The following FIGN variants were observed in gnomAD, a reference collection of about 807,000 sequenced individuals.
FIGN encodes fidgetin, microtubule severing factor, also known as fidgetin.
In FIGN, 11 loss-of-function variants were observed where a neutral mutation model predicts 51.3. The observed-to-expected ratio is 0.21, with a 90% confidence interval of 0.13 to 0.35. FIGN has a LOEUF of 0.35. Ranked by LOEUF, FIGN falls within the 10% of genes least tolerant of loss-of-function variation. The probability of loss-of-function intolerance (pLI) is 1.00; values close to 1 mark genes in which losing one functional copy is unlikely to be tolerated. For missense variants in FIGN, 857 were observed against 943.6 expected (o/e 0.91, Z 1.20); for synonymous variants, 407 against 363.2 (o/e 1.12, Z -1.37).
intron 2 of FIGN, among the ~76,000 whole-genome samples, chr2:163,682,065 C>T (rs1184431385): frequency 6.6e-6 from 1 of 152,140 alleles, no homozygotes; most frequent in African/African-American, 2.4e-5. Flanking sequence ...TACTCAGAGA[C>T]CTCAGGACAA....
At chr2:163,724,423 T>C (rs1368198507) in intron 2 of FIGN, among the ~76,000 whole-genome samples, 1 of 152,204 alleles carries the variant, frequency 6.6e-6, no homozygotes, top group East Asian at 1.9e-4. Flanking sequence ...TTGATATATA[T>C]AAATGTTTGG....
chr2:163,614,512 C>G (rs1558996476), intron 2 of FIGN, among the ~76,000 whole-genome samples: 1 of 151,562 alleles, frequency 6.6e-6, no homozygotes, highest in Admixed American at 6.6e-5. Context: ...TATTATGGTT[C>G]TTTTCTTTAA....
intron 2 of FIGN, among the ~76,000 whole-genome samples, chr2:163,612,069 T>C (rs962644917): frequency 6.6e-6 from 1 of 152,212 alleles, no homozygotes; most frequent in African/African-American, 2.4e-5. Flanking sequence ...TTGTAAGGAA[T>C]AAGTAAATCT....
chr2:163,627,982 A>G (rs926287520), intron 2 of FIGN, among the ~76,000 whole-genome samples: 4 of 152,242 alleles, frequency 2.6e-5, no homozygotes, highest in Non-Finnish European at 2.9e-5. Context: ...TCTCAAAATT[A>G]GAATACAAAA....
intron 2 of FIGN, among the ~76,000 whole-genome samples, chr2:163,657,326 T>G (rs922528985): frequency 1.2e-4 from 19 of 152,112 alleles, no homozygotes; most frequent in Non-Finnish European, 2.9e-5. Context: ...CAAATTCAAT[T>G]AGTAGGGATG....
chr2:163,731,965 C>T (rs2105369813), intron 2 of FIGN, among the ~76,000 whole-genome samples: 1 of 152,244 alleles, frequency 6.6e-6, no homozygotes, highest in East Asian at 1.9e-4. Flanking sequence ...GATAGACCCA[C>T]ATGAAATAAC....
chr2:163,618,487 AC>A (rs1243685256), intron 2 of FIGN, among the ~76,000 whole-genome samples: 1 of 151,572 alleles, frequency 6.6e-6, no homozygotes, highest in Admixed American at 6.6e-5. Flanking sequence ...CAGATACCTC[AC>A]CCTCTTACAG....
chr2:163,716,830 C>T (rs1411792045), intron 2 of FIGN, among the ~76,000 whole-genome samples: 1 of 152,024 alleles, frequency 6.6e-6, no homozygotes, highest in Non-Finnish European at 1.5e-5. Flanking sequence ...CTCTGGAATT[C>T]GTCAAAATTT....
chr2:163,735,612 G>C (rs1029225231), intron 1 of FIGN, among the ~76,000 whole-genome samples: 1 of 152,158 alleles, frequency 6.6e-6, no homozygotes, highest in African/African-American at 2.4e-5. Context: ...TTGTTACAAT[G>C]ATTAAGCAGC....
intron 2 of FIGN, among the ~76,000 whole-genome samples, chr2:163,699,840 A>G (rs1423309631): frequency 6.6e-6 from 1 of 152,186 alleles, no homozygotes; most frequent in Non-Finnish European, 1.5e-5. Flanking sequence ...GGCTGAATGA[A>G]AAAATAGTTT....
intron 2 of FIGN, among the ~76,000 whole-genome samples, chr2:163,628,288 C>T (rs1683088500): frequency 6.6e-6 from 1 of 152,056 alleles, no homozygotes; most frequent in Admixed American, 6.6e-5. Flanking sequence ...AGATCTTGGA[C>T]ATTGAATAGA....
intron 2 of FIGN, among the ~76,000 whole-genome samples, chr2:163,666,658 T>C (rs1302493573): frequency 2.6e-5 from 4 of 152,158 alleles, no homozygotes; most frequent in Non-Finnish European, 4.4e-5. Flanking sequence ...TTTGAGTACA[T>C]GGTTAATGAC....
At chr2:163,639,312 C>T (rs1441520018) in intron 2 of FIGN, among the ~76,000 whole-genome samples, 2 of 151,984 alleles carry the variant, frequency 1.3e-5, no homozygotes, top group South Asian at 2.1e-4. Context: ...TCAATGTTAC[C>T]ATGACAGGTT....
intron 2 of FIGN, among the ~76,000 whole-genome samples, chr2:163,674,903 G>T (rs539850363): frequency 6.6e-6 from 1 of 152,118 alleles, no homozygotes. Context: ...TTTCTGAGAA[G>T]AAGTATGGTT....
chr2:163,668,014 AC>A (rs57547572), intron 2 of FIGN, among the ~76,000 whole-genome samples: 8,439 of 106,766 alleles, frequency 0.079, 586 homozygotes, highest in Non-Finnish European at 0.089. Flanking sequence ...CCTACCTCCA[AC>A]CCCCCCCCCC....
intron 2 of FIGN, among the ~76,000 whole-genome samples, chr2:163,733,963 C>G (rs986037224): frequency 3.2e-5 from 3 of 93,602 alleles, no homozygotes; most frequent in African/African-American, 1.2e-4. Flanking sequence ...AAAAAAAAAA[C>G]AGTCTAAAGT....
chr2:163,723,005 T>A (rs2105364171), intron 2 of FIGN, among the ~76,000 whole-genome samples: 1 of 151,574 alleles, frequency 6.6e-6, no homozygotes, highest in East Asian at 1.9e-4. Context: ...GCTAACACGG[T>A]GAAACCCTGT....
chr2:163,683,565 T>C (rs1684098895), intron 2 of FIGN, among the ~76,000 whole-genome samples: 1 of 152,126 alleles, frequency 6.6e-6, no homozygotes. Context: ...GAGTCAAAAA[T>C]AGCATTCCAA....
chr2:163,643,954 AAAAAG>A, intron 2 of FIGN, among the ~76,000 whole-genome samples: 1 of 148,260 alleles, frequency 6.7e-6, no homozygotes, highest in African/African-American at 2.5e-5. Flanking sequence ...AAAAAAAAAA[AAAAAG>A]TCAGAATGGA....
Sources: gnomAD v4.1 joint callset for allele counts (sites outside exome capture counted in the v4.1 genomes callset) on GRCh38, gnomAD v4.1.1 for gene constraint, MANE v1.5 for transcripts, NCBI Gene and HGNC (gene_info 2026-07-23, HGNC 2026-07-21) for gene names.